Variants in ARHGAP15 observed in about 807,000 individuals in gnomAD.
The protein encoded by ARHGAP15 is rho GTPase-activating protein 15.
Under a neutral mutation model 63.7 loss-of-function variants are expected in ARHGAP15, and 51 were observed. The ratio of observed to expected loss-of-function variants is 0.80; its 90% CI spans 0.64 to 1.01. The LOEUF (loss-of-function observed/expected upper bound fraction) is 1.01. ARHGAP15 is among the 50% of genes least tolerant of loss of function. The pLI is 0.00. For synonymous variants in ARHGAP15, 191 were observed against 193.8 expected, an observed-to-expected ratio of 0.99 and a Z score of 0.12; for missense variants, 560 against 564.6, an observed-to-expected ratio of 0.99 and a Z score of 0.08.
chr2:143,166,166 T>G (rs1231216369), intron 2 of ARHGAP15, among the ~76,000 whole-genome samples: 1 of 152,060 alleles, frequency 6.6e-6, no homozygotes, highest in Non-Finnish European at 1.5e-5. Context: ...CACAACACAA[T>G]CTGGGTAACA....
At chr2:143,382,249 A>G (rs1489962902) in intron 6 of ARHGAP15, among the ~76,000 whole-genome samples, 1 of 152,078 alleles carries the variant, frequency 6.6e-6, no homozygotes, top group African/African-American at 2.4e-5. Context: ...GCTTAAAACA[A>G]CAGTAACCTC....
Position 143,409,872 on chromosome 2 carries a change from A to G in ARHGAP15, c.475-25729A>G, listed in dbSNP as rs10206273. ...GTGTACACTCTATGATATTCCCACAATGACAAAATTGTGTAATGGTGCATT... is the reference window on the plus strand; with the variant it reads ...GTGTACACTCTATGATATTCCCACAGTGACAAAATTGTGTAATGGTGCATT... On this transcript the variant is annotated intron_variant, in intron 6 of 13. Transcript: ENST00000295095. Among the ~76,000 whole-genome samples, 1,119 of 152,262 alleles carry G rather than the reference A, an allele frequency of 7.3e-3. 10 individuals carry two copies. The highest frequency in any genetic ancestry group is 0.026 in the African/African-American group (1,068 of 41,554).
intron 6 of ARHGAP15, among the ~76,000 whole-genome samples, chr2:143,325,522 C>A (rs558347755): frequency 6.6e-6 from 1 of 152,246 alleles, no homozygotes; most frequent in African/African-American, 2.4e-5. Flanking sequence ...TCCCTAGTCA[C>A]CTTCCTTGCA....
At chr2:143,481,416 A>G (rs1692074394) in intron 8 of ARHGAP15, among the ~76,000 whole-genome samples, 1 of 151,768 alleles carries the variant, frequency 6.6e-6, no homozygotes, top group Non-Finnish European at 1.5e-5. Flanking sequence ...CAAAAAAAAA[A>G]TAATAACAAC....
chr2:143,457,353 A>G (rs1165018023), intron 8 of ARHGAP15, among the ~76,000 whole-genome samples: 1 of 152,002 alleles, frequency 6.6e-6, no homozygotes, highest in Non-Finnish European at 1.5e-5. Flanking sequence ...AGCCTAGCCA[A>G]CATAGTAAGA....
At chr2:143,259,100 G>A (rs1441817246) in intron 6 of ARHGAP15, among the ~76,000 whole-genome samples, 2 of 151,890 alleles carry the variant, frequency 1.3e-5, no homozygotes, top group Admixed American at 6.6e-5. Context: ...TAAAAGGCAA[G>A]CTTCTGATAT....
At chr2:143,749,913 C>G (rs906725320) in intron 13 of ARHGAP15, among the ~76,000 whole-genome samples, 4 of 152,110 alleles carry the variant, frequency 2.6e-5, no homozygotes, top group African/African-American at 9.7e-5. Context: ...AACCTTTGGA[C>G]AGATCATTAA....
chr2:143,381,186 A>G (rs1028939410), intron 6 of ARHGAP15, among the ~76,000 whole-genome samples: 1 of 152,130 alleles, frequency 6.6e-6, no homozygotes, highest in Non-Finnish European at 1.5e-5. Context: ...TTTTTGCTGA[A>G]TATTATATGG....
At chr2:143,524,481 T>C (rs1398094348) in intron 10 of ARHGAP15, among the ~76,000 whole-genome samples, 1 of 152,212 alleles carries the variant, frequency 6.6e-6, no homozygotes, top group Non-Finnish European at 1.5e-5. Context: ...GAATTATATG[T>C]TTGTGTAATG....
chr2:143,711,236 A>G (rs1684566689), intron 13 of ARHGAP15, among the ~76,000 whole-genome samples: 1 of 152,238 alleles, frequency 6.6e-6, no homozygotes, highest in Non-Finnish European at 1.5e-5. Context: ...TAAATGCATA[A>G]AGAGGATTCC....
At chr2:143,489,270 A>C (rs1380102645) in intron 9 of ARHGAP15, among the ~76,000 whole-genome samples, 1 of 152,240 alleles carries the variant, frequency 6.6e-6, no homozygotes, top group Non-Finnish European at 1.5e-5. Context: ...TGCAGTTTTC[A>C]TACCGAAGCA....
chr2:143,536,260 T>C (rs1393127283), intron 10 of ARHGAP15, among the ~76,000 whole-genome samples: 3 of 152,218 alleles, frequency 2.0e-5, no homozygotes, highest in African/African-American at 7.2e-5. Context: ...TTCTATGAGG[T>C]CAACCTTTTT....
intron 12 of ARHGAP15, among the ~76,000 whole-genome samples, chr2:143,644,990 C>A (rs917180889): frequency 5.3e-5 from 8 of 151,992 alleles, no homozygotes; most frequent in Non-Finnish European, 1.5e-5. Flanking sequence ...AATTGCGACA[C>A]CACTTCGTAC....
chr2:143,187,406 T>C (rs1426322672), intron 2 of ARHGAP15, among the ~76,000 whole-genome samples: 2 of 152,226 alleles, frequency 1.3e-5, no homozygotes, highest in Admixed American at 6.5e-5. Context: ...GTATGGCCTC[T>C]ACTTTAAAAA....
intron 11 of ARHGAP15, among the ~76,000 whole-genome samples, chr2:143,623,681 A>G (rs1698729900): frequency 1.3e-5 from 2 of 152,268 alleles, no homozygotes; most frequent in Non-Finnish European, 2.9e-5. Context: ...TAACACATGT[A>G]AAGCAATAAC....
intron 13 of ARHGAP15, among the ~76,000 whole-genome samples, chr2:143,725,768 G>A (rs905140680): frequency 6.6e-6 from 1 of 152,160 alleles, no homozygotes; most frequent in Non-Finnish European, 1.5e-5. Flanking sequence ...TGTGCCCATC[G>A]ATTGCCAGGG....
rs145272111 is a variant in ARHGAP15, at chr2:143,151,376, A to T, written c.-14-4101A>T. Among the ~76,000 whole-genome samples, 6 of 152,094 alleles carry T rather than the reference A, an allele frequency of 3.9e-5. No homozygotes were observed. The East Asian group carries it at 9.8e-4, about 25-fold the overall frequency. On this transcript the variant is annotated intron_variant, in intron 1 of 13. Coordinates refer to ENST00000295095, the MANE Select transcript of ARHGAP15 (RefSeq NM_018460.4). ...TGTCCCATCCCCAGTCACAAATCCTACCACCTCTGAATTTATGTAAGGGCA... is the reference window on the plus strand; with the variant it reads ...TGTCCCATCCCCAGTCACAAATCCTTCCACCTCTGAATTTATGTAAGGGCA...
chr2:143,600,737 C>G (rs1289866801), intron 11 of ARHGAP15, among the ~76,000 whole-genome samples: 4 of 152,108 alleles, frequency 2.6e-5, no homozygotes, highest in Admixed American at 2.6e-4. Flanking sequence ...CTTTAAAGAA[C>G]TTGTCTACGA....
chr2:143,221,074 T>C (rs564779141), intron 4 of ARHGAP15, among the ~76,000 whole-genome samples: 2 of 152,210 alleles, frequency 1.3e-5, no homozygotes, highest in East Asian at 1.9e-4. Flanking sequence ...TTGAGACTAG[T>C]GAGCAAAAAT....
Sources: gnomAD v4.1 joint callset for allele counts (sites outside exome capture counted in the v4.1 genomes callset) on GRCh38, gnomAD v4.1.1 for gene constraint, MANE v1.5 for transcripts, NCBI Gene and HGNC (gene_info 2026-07-23, HGNC 2026-07-21) for gene names.